The following PRKCG variants were observed in gnomAD, a reference collection of about 807,000 sequenced individuals.
PRKCG encodes protein kinase C gamma type.
In PRKCG, 28 loss-of-function variants were observed where a neutral mutation model predicts 82.0. The ratio of observed to expected loss-of-function variants is 0.34; its 90% CI spans 0.25 to 0.47. The LOEUF (loss-of-function observed/expected upper bound fraction) is 0.47, where lower values mean the gene tolerates loss of function less well. Ranked by LOEUF, PRKCG falls within the 20% of genes least tolerant of loss-of-function variation. The probability of loss-of-function intolerance (pLI) is 1.00; values close to 1 mark genes in which losing one functional copy is unlikely to be tolerated. For synonymous variants in PRKCG, 383 were observed against 376.6 expected (o/e 1.02, Z -0.20); for missense variants, 640 against 952.7 (o/e 0.67, Z 4.32).
intron 9 of PRKCG, 62 bp downstream of exon 9, chr19:53,893,453 C>T (rs1005611826): frequency 6.6e-7 from 1 of 1,512,752 alleles, no homozygotes; most frequent in Non-Finnish European, 9.2e-7. Context: ...TTTCTTATTC[C>T]TCCTCTGACT....
In PRKCG at chr19:53,892,783, C is replaced by A; in HGVS notation, c.821+140C>A. 9.0e-7 allele frequency: 1 copy of A among 1,107,640 alleles called. No homozygotes were observed. The highest frequency in any genetic ancestry group is 1.3e-6 in the Non-Finnish European group (1 of 776,774). 68.6% of individuals were successfully genotyped at this position (1,107,640 alleles called of 1,614,324 possible). On this transcript the variant is annotated intron_variant, in intron 7 of 17. Coordinates refer to ENST00000263431, the MANE Select transcript of PRKCG (RefSeq NM_002739.5). The surrounding 1 kb of genome is among the most constrained non-coding windows in gnomAD (Gnocchi z 5.9). ...ACACACACACACACACACACACACGCACACACACGCACACACCCCTCTCTC... is the reference window on the plus strand; with the variant it reads ...ACACACACACACACACACACACACGAACACACACGCACACACCCCTCTCTC...
At chr19:53,896,176 A>C (rs2068716625) in intron 9 of PRKCG, among the ~76,000 whole-genome samples, 1 of 151,980 alleles carries the variant, frequency 6.6e-6, no homozygotes, top group African/African-American at 2.4e-5. Flanking sequence ...CCTCCCGTAC[A>C]AACCCAAGAA....
chr19:53,886,181 T>C (rs1184026036), intron 3 of PRKCG, among the ~76,000 whole-genome samples: 1 of 151,370 alleles, frequency 6.6e-6, no homozygotes, highest in Admixed American at 6.6e-5. Flanking sequence ...CTTGGTTCAC[T>C]GCAACCTCTA....
In PRKCG at chr19:53,900,844, A is replaced by G. The variant is rs114129588; in HGVS notation, c.1575+95A>G. On this transcript the variant is annotated intron_variant, in intron 14 of 17. Transcript: ENST00000263431. The surrounding 1 kb of genome is among the most constrained non-coding windows in gnomAD (Gnocchi z 4.2). ...TCACCACGGGTGAGGCCTGACCCTC[A>G]GACCTTGTCATGAGTTGTGGCCTTC... 6.3e-7 allele frequency: 1 copy of G among 1,586,936 alleles called. No individual in the cohort carries two copies. Among genetic ancestry groups the G allele is most frequent in the African/African-American group, 1.3e-5 (1 of 74,478 alleles).
Position 53,882,475 on chromosome 19 carries a change from C to T in PRKCG, c.-20C>T, listed in dbSNP as rs1325192711. 1 of 1,609,842 alleles carries T rather than the reference C, an allele frequency of 6.2e-7. No individual in the cohort carries two copies. The highest frequency in any genetic ancestry group is 1.7e-5 in the Admixed American group (1 of 59,022). Reference sequence around the variant, plus strand: ...CCCCAAGAAAGGCAGGATCCTGGTCCCTGCTACGTTTCTGGGGCCATGGCT... The same window carrying T: ...CCCCAAGAAAGGCAGGATCCTGGTCTCTGCTACGTTTCTGGGGCCATGGCT... On this transcript the variant is annotated 5_prime_UTR_variant, in exon 1 of 18. Transcript: ENST00000263431. The surrounding 1 kb of genome is among the most constrained non-coding windows in gnomAD (Gnocchi z 6.1).
rs769585575 is a variant in PRKCG, at chr19:53,900,496, G to T, written c.1436+15G>T. ...ATCATCTACAGGTGAGCAGCCCCAG[G>T]AATTTCCGTGGAGGAAATCACGCCC... On this transcript the variant is annotated intron_variant, in intron 13 of 17. Coordinates refer to ENST00000263431, the MANE Select transcript of PRKCG (RefSeq NM_002739.5). The surrounding 1 kb of genome is among the most constrained non-coding windows in gnomAD (Gnocchi z 4.2). The T allele has an allele frequency of 6.2e-7, 1 of 1,614,112 alleles. No individual in the cohort carries two copies. The highest frequency in any genetic ancestry group is 1.7e-5 in the Admixed American group (1 of 60,018).
At position 53,883,084 on chromosome 19, in the gene PRKCG, G is replaced by A. The variant is rs2068604955; in HGVS notation, c.171-79G>A. ...CCCTGCGGGAGGAGGGTCAGAGAGC[G>A]CAGGCCCCCTGTGGCTCGCAGAGGT... is the stretch of plus-strand genomic sequence containing the variant. On this transcript the variant is annotated intron_variant, in intron 1 of 17. Transcript: ENST00000263431. This position sits in a 1 kb window ranked among gnomAD's most constrained non-coding sequence, Gnocchi z 5.4. 13 of 1,560,644 alleles carry A rather than the reference G, an allele frequency of 8.3e-6. No homozygotes were observed. The highest frequency in any genetic ancestry group is 1.1e-5 in the Non-Finnish European group (13 of 1,131,916).
intron 8 of PRKCG, 92 bp downstream of exon 8, chr19:53,893,167 C>T (rs1568755723): frequency 2.3e-6 from 3 of 1,331,348 alleles, no homozygotes; most frequent in East Asian, 2.4e-5. Flanking sequence ...GCCCGCTGGT[C>T]CTGGGACTAC....
At position 53,907,118 on chromosome 19, in the gene PRKCG, C is replaced by T. The variant is rs1599957358; in HGVS notation, c.*223C>T. 11 of 1,050,320 alleles carry T rather than the reference C, an allele frequency of 1.0e-5. No homozygotes were observed. The South Asian group carries it at 1.8e-4, about 17-fold the overall frequency. The allele number at this position is 1,050,320 out of a possible 1,614,324, so 65.1% of individuals were successfully genotyped here. On this transcript the variant is annotated 3_prime_UTR_variant, in exon 18 of 18. Transcript: ENST00000263431. ...CCGCGTTCAAGACTTGAGCGGAGCCCGATATTCTCCCTGACCTTAGCGTTC... is the reference window on the plus strand; with the variant it reads ...CCGCGTTCAAGACTTGAGCGGAGCCTGATATTCTCCCTGACCTTAGCGTTC...
chr19:53,891,606 C>T, intron 5 of PRKCG, 68 bp from the exon 6 acceptor site: 1 of 1,583,476 alleles, frequency 6.3e-7, no homozygotes, highest in Non-Finnish European at 8.7e-7. Context: ...TGATTGCTGA[C>T]TGGAGGAGGG....
intron 15 of PRKCG, among the ~76,000 whole-genome samples, chr19:53,904,384 A>G (rs2068786238): frequency 6.7e-6 from 1 of 148,936 alleles, no homozygotes; most frequent in Non-Finnish European, 1.5e-5. Context: ...TTTACATAGC[A>G]GATAAAGAGA....
rs769165690 is a variant in PRKCG at position 53,904,644 on chromosome 19, G to A, written c.1666G>A (p.Asp556Asn). Residue 556 changes from aspartate to asparagine, a missense_variant, in exon 16 of 18, where the codon GAT becomes AAT. By Grantham distance (23) the Asp-to-Asn change is conservative. Around this residue, in one of 7 missense-constraint regions of PRKCG, gnomAD observed 198 missense variants for 273.4 expected, o/e 0.72. Transcript: ENST00000263431. The part of the protein sequence containing the change: ...YEMLAGQPPF[D>N]GEDEEELFQA... ...CCCTCCACTTTGATAGCCTCCCTTC[G>A]ATGGGGAGGACGAGGAGGAGCTGTT... The A allele has an allele frequency of 3.7e-6, 6 of 1,612,954 alleles. No homozygotes were observed. Among genetic ancestry groups the A allele is most frequent in the African/African-American group, 1.3e-5 (1 of 74,632 alleles).
intron 3 of PRKCG, among the ~76,000 whole-genome samples, chr19:53,886,750 A>G (rs2068634373): frequency 6.6e-6 from 1 of 152,210 alleles, no homozygotes; most frequent in Admixed American, 6.5e-5. Flanking sequence ...GATCCACACA[A>G]CAGCTTATTT....
chr19:53,886,169 A>G (rs998378238), intron 3 of PRKCG, among the ~76,000 whole-genome samples: 4 of 150,708 alleles, frequency 2.7e-5, no homozygotes, highest in Non-Finnish European at 4.4e-5. Context: ...CACTGGTGCA[A>G]TCTTGGTTCA....
intron 3 of PRKCG, among the ~76,000 whole-genome samples, chr19:53,885,914 T>C (rs11671899): frequency 0.012 from 1,857 of 149,156 alleles, 18 homozygotes; most frequent in Non-Finnish European, 0.018. Context: ...GGTACACTCA[T>C]CAAGATTTTT....
At position 53,900,490 on chromosome 19, in the gene PRKCG, C is replaced by T; in HGVS notation, c.1436+9C>T. ...CAGGGCATCATCTACAGGTGAGCAGCCCCAGGAATTTCCGTGGAGGAAATC... is the reference window on the plus strand; with the variant it reads ...CAGGGCATCATCTACAGGTGAGCAGTCCCAGGAATTTCCGTGGAGGAAATC... On this transcript the variant is annotated intron_variant, in intron 13 of 17. Coordinates refer to ENST00000263431, the MANE Select transcript of PRKCG (RefSeq NM_002739.5). This position sits in a 1 kb window ranked among gnomAD's most constrained non-coding sequence, Gnocchi z 4.2. 1.9e-6 allele frequency: 3 copies of T among 1,614,126 alleles called. No homozygotes were observed. The highest frequency in any genetic ancestry group is 2.2e-5 in the South Asian group (2 of 91,084).
At position 53,882,314 on chromosome 19, in the gene PRKCG, C is replaced by T. The variant is rs773605647; in HGVS notation, c.-181C>T. Reference sequence around the variant, plus strand: ...CGCCCGCTCCCCCTGGCGGAGCCGGCGCGCCCGGGGTGCCGCTCCCTGCCT... The same window carrying T: ...CGCCCGCTCCCCCTGGCGGAGCCGGTGCGCCCGGGGTGCCGCTCCCTGCCT... On this transcript the variant is annotated 5_prime_UTR_variant, in exon 1 of 18. Transcript: ENST00000263431. The surrounding 1 kb of genome is among the most constrained non-coding windows in gnomAD (Gnocchi z 6.1). The T allele has an allele frequency of 9.1e-6, 8 of 879,094 alleles. No individual in the cohort carries two copies. In the Admixed American group the frequency reaches 1.3e-4, roughly 15 times the overall value. 54.5% of individuals were successfully genotyped at this position (879,094 alleles called of 1,614,324 possible).
intron 5 of PRKCG, among the ~76,000 whole-genome samples, chr19:53,890,259 T>G (rs1472508874): frequency 6.6e-6 from 1 of 151,830 alleles, no homozygotes; most frequent in Non-Finnish European, 1.5e-5. Context: ...TGACTTTGAC[T>G]TTCTTTTTTT....
chr19:53,903,194 CAGAG>C (rs775111729), intron 15 of PRKCG, 41 bp downstream of exon 15: 2 of 1,499,950 alleles, frequency 1.3e-6, no homozygotes, highest in Admixed American at 1.7e-5. Context: ...CTAAAAGAGA[CAGAG>C]AGGGGCACCT....
Sources: allele counts gnomAD v4.1 joint callset (sites outside exome capture counted in the v4.1 genomes callset), GRCh38; gene constraint gnomAD v4.1.1; regional missense constraint gnomAD v4.1.1; non-coding constraint Gnocchi (gnomAD v3.1); transcripts MANE v1.5; gene names NCBI Gene and HGNC (gene_info 2026-07-23, HGNC 2026-07-21).